The following FRYL variants were observed in gnomAD, a reference collection of about 807,000 sequenced individuals.
FRYL encodes FRY like transcription coactivator.
FRYL carries 150 observed loss-of-function variants against 351.2 expected under a neutral mutation model. The observed-to-expected ratio is 0.43, with a 90% CI of 0.37 to 0.49. FRYL has a LOEUF of 0.49. Ranked by LOEUF, FRYL falls within the 20% of genes least tolerant of loss-of-function variation. FRYL has a pLI of 0.00. For synonymous variants in FRYL, 1,153 were observed against 1,257.1 expected (o/e 0.92, Z 1.75); for missense variants, 3,036 against 3,619.3 (o/e 0.84, Z 4.13).
At chr4:48,590,511 A>G in intron 17 of FRYL, 148 bp downstream of exon 17, 1 of 534,540 alleles carries the variant, frequency 1.9e-6, no homozygotes, top group Non-Finnish European at 3.1e-6. Context: ...AAAAAACAAA[A>G]AAAACCCAGA....
chr4:48,772,726 G>A (rs1034819812), intron 1 of FRYL, among the ~76,000 whole-genome samples: 1 of 134,164 alleles, frequency 7.5e-6, no homozygotes, highest in African/African-American at 2.7e-5. Flanking sequence ...CAAGAATTCT[G>A]AGAAGTGGAA....
rs759628741 is a variant in FRYL, at chr4:48,534,613, C to T, written c.6637G>A (p.Asp2213Asn). The change falls in exon 49 of 64, where the codon GAC becomes AAC. Residue 2213 changes from aspartate (D) to asparagine (N), a missense_variant. Physicochemically the swap from Asp to Asn is conservative, Grantham distance 23. Around this residue, in one of 7 missense-constraint regions of FRYL, gnomAD observed 1,987 missense variants for 2,311.7 expected, o/e 0.86. Transcript: ENST00000358350. Reference protein sequence around the residue: ...QIIYSLLSHIDLSAAPAKQFN... With the variant: ...QIIYSLLSHINLSAAPAKQFN... ...TGCTTGGCTGGGGCTGCAGACAGGT[C>T]AATATGACTCAATAGACTATAAATA... is the stretch of plus-strand genomic sequence containing the variant. 3.1e-6 allele frequency: 5 copies of T among 1,601,006 alleles called. No individual in the cohort carries two copies. The highest frequency in any genetic ancestry group is 4.3e-6 in the Non-Finnish European group (5 of 1,168,344).
At position 48,567,556 on chromosome 4, in the gene FRYL, A is replaced by C. The variant is rs553739422; in HGVS notation, c.2997-136T>G. On this transcript the variant is annotated intron_variant, in intron 27 of 63. Transcript: ENST00000358350. The surrounding 1 kb of genome is among the most constrained non-coding windows in gnomAD (Gnocchi z 4.2). ...GGCAGCACGCAACTTAATATATGAA[A>C]ATTAAATGAATATGATTTTGCTTAC... The C allele has an allele frequency of 1.4e-5, 8 of 586,996 alleles. No individual in the cohort carries two copies. The African/African-American group carries it at 1.5e-4, about 11-fold the overall frequency. 36.4% of individuals were successfully genotyped at this position (586,996 alleles called of 1,614,324 possible).
intron 3 of FRYL, among the ~76,000 whole-genome samples, chr4:48,656,527 CATATAT>C: frequency 1.7e-5 from 2 of 117,210 alleles, no homozygotes; most frequent in East Asian, 4.8e-4. Context: ...GTAATGTATA[CATATAT>C]GCATTATATA....
chr4:48,569,399 T>G (rs1737730938), intron 27 of FRYL, among the ~76,000 whole-genome samples: 1 of 152,178 alleles, frequency 6.6e-6, no homozygotes, highest in African/African-American at 2.4e-5. Context: ...CTCCACCTCC[T>G]GGGTTTGAGT....
At chr4:48,609,127 C>T in intron 8 of FRYL, 60 bp from the exon 9 acceptor site, 1 of 1,067,314 alleles carries the variant, frequency 9.4e-7, no homozygotes, top group Non-Finnish European at 1.4e-6. Context: ...ACTCTCTTTC[C>T]TAATACATAT....
intron 1 of FRYL, among the ~76,000 whole-genome samples, chr4:48,763,770 C>T (rs7660206): frequency 0.51 from 77,726 of 151,984 alleles, 20,342 homozygotes; most frequent in African/African-American, 0.61. Flanking sequence ...TCGACATGTA[C>T]TAGAAGTCCA....
At chr4:48,573,668 G>A (rs1296816200) in intron 25 of FRYL, among the ~76,000 whole-genome samples, 2 of 152,208 alleles carry the variant, frequency 1.3e-5, no homozygotes, top group East Asian at 1.9e-4. Flanking sequence ...TCCTGCCTCA[G>A]CCTCCTGAGT....
intron 6 of FRYL, among the ~76,000 whole-genome samples, chr4:48,619,583 G>A (rs972980491): frequency 2.0e-5 from 3 of 152,012 alleles, no homozygotes; most frequent in Non-Finnish European, 1.5e-5. Flanking sequence ...CTGCAAACAT[G>A]GCCCACCGCA....
At chr4:48,501,804 T>C in intron 61 of FRYL, 71 bp from the exon 62 acceptor site, 1 of 938,976 alleles carries the variant, frequency 1.1e-6, no homozygotes, top group South Asian at 1.4e-5. Context: ...TGGAAATTTA[T>C]AGTTAAAATT....
intron 47 of FRYL, among the ~76,000 whole-genome samples, chr4:48,536,623 C>A (rs1402954422): frequency 6.6e-6 from 1 of 152,154 alleles, no homozygotes; most frequent in African/African-American, 2.4e-5. Flanking sequence ...GACACCTGAG[C>A]TATGCAGAAC....
chr4:48,574,863 T>TGC (rs1739249665), intron 25 of FRYL, among the ~76,000 whole-genome samples: 4 of 152,182 alleles, frequency 2.6e-5, no homozygotes, highest in African/African-American at 9.7e-5. Flanking sequence ...ATTTCATTAT[T>TGC]TCTAGAACAT....
intron 3 of FRYL, among the ~76,000 whole-genome samples, chr4:48,675,432 G>A (rs935782722): frequency 2.6e-5 from 4 of 152,218 alleles, no homozygotes; most frequent in Admixed American, 6.5e-5. Flanking sequence ...CCCGGCACTC[G>A]GAGCAGACGG....
chr4:48,704,425 G>A (rs771462083), intron 2 of FRYL, among the ~76,000 whole-genome samples: 2 of 152,118 alleles, frequency 1.3e-5, no homozygotes, highest in Admixed American at 1.3e-4. Context: ...ATGAAAAAAA[G>A]GCACTCTCAT....
intron 3 of FRYL, among the ~76,000 whole-genome samples, chr4:48,678,672 T>A (rs976165860): frequency 2.0e-5 from 3 of 152,056 alleles, no homozygotes; most frequent in Non-Finnish European, 4.4e-5. Flanking sequence ...TTTTTTTGCT[T>A]CCCCATCCTC....
intron 4 of FRYL, among the ~76,000 whole-genome samples, chr4:48,626,608 T>C (rs1448231697): frequency 1.3e-5 from 2 of 152,114 alleles, no homozygotes; most frequent in Non-Finnish European, 2.9e-5. Context: ...TTTGTGATTA[T>C]GTTTATAAGT....
At chr4:48,603,615 C>T (rs1423035918) in intron 11 of FRYL, among the ~76,000 whole-genome samples, 1 of 152,182 alleles carries the variant, frequency 6.6e-6, no homozygotes. Flanking sequence ...CACAGTATAA[C>T]AGGTCCACTG....
chr4:48,577,739 G>C lies in FRYL; in HGVS notation c.2528+1234C>G, dbSNP rs1015365795. On this transcript the variant is annotated intron_variant, in intron 23 of 63. Transcript: ENST00000358350. ...AAAAAGTAACATCCAGACCAGGTGTGGTGGCTCATAGCTATAATCCCAGCA... is the reference window on the plus strand; with the variant it reads ...AAAAAGTAACATCCAGACCAGGTGTCGTGGCTCATAGCTATAATCCCAGCA... Among the ~76,000 whole-genome samples the C allele has an allele frequency of 1.2e-4, 19 of 152,016 alleles. 1 individual carries two copies. Among genetic ancestry groups the C allele is most frequent in the Non-Finnish European group, 2.9e-5 (2 of 67,976 alleles).
intron 1 of FRYL, among the ~76,000 whole-genome samples, chr4:48,755,745 C>A (rs1773706640): frequency 6.6e-6 from 1 of 152,054 alleles, no homozygotes; most frequent in Non-Finnish European, 1.5e-5. Context: ...TCATACTAGG[C>A]TTCAAAACAT....
Sources: allele counts gnomAD v4.1 joint callset (sites outside exome capture counted in the v4.1 genomes callset), GRCh38; gene constraint gnomAD v4.1.1; regional missense constraint gnomAD v4.1.1; non-coding constraint Gnocchi (gnomAD v3.1); transcripts MANE v1.5; gene names NCBI Gene and HGNC (gene_info 2026-07-23, HGNC 2026-07-21).